CNTN5: variants seen among roughly 807,000 people sequenced by gnomAD.
The protein encoded by CNTN5 is contactin 5.
A neutral mutation model predicts 129.1 loss-of-function variants in CNTN5; 77 were observed. The observed-to-expected ratio is 0.60, with a 90% CI of 0.50 to 0.72. The LOEUF (loss-of-function observed/expected upper bound fraction) is 0.72. Among genes scored for constraint, CNTN5 ranks in the 30% least tolerant of loss-of-function variants. CNTN5 has a pLI of 0.00. For synonymous variants in CNTN5, 509 were observed against 465.6 expected, an observed-to-expected ratio of 1.09 and a Z score of -1.20; for missense variants, 1,478 against 1,328.8, an observed-to-expected ratio of 1.11 and a Z score of -1.75.
At chr11:100,107,464 T>G (rs1945482791) in intron 13 of CNTN5, among the ~76,000 whole-genome samples, 1 of 151,346 alleles carries the variant, frequency 6.6e-6, no homozygotes, top group African/African-American at 2.4e-5. Flanking sequence ...CAGGCTTATT[T>G]CCAGATGCTG....
At chr11:100,242,825 G>A (rs1035882987) in intron 16 of CNTN5, among the ~76,000 whole-genome samples, 1 of 152,154 alleles carries the variant, frequency 6.6e-6, no homozygotes, top group African/African-American at 2.4e-5. Flanking sequence ...TTTCCCCAAA[G>A]AGACTAATTA....
intron 3 of CNTN5, among the ~76,000 whole-genome samples, chr11:99,719,895 G>A (rs1943111517): frequency 6.6e-6 from 1 of 152,028 alleles, no homozygotes. Flanking sequence ...AAACTACTAT[G>A]AACACCTCTA....
At chr11:99,991,681 C>T (rs1939107761) in intron 8 of CNTN5, among the ~76,000 whole-genome samples, 1 of 152,160 alleles carries the variant, frequency 6.6e-6, no homozygotes, top group African/African-American at 2.4e-5. Flanking sequence ...TAATTGGCTG[C>T]CTTTCAATAG....
chr11:99,851,132 T>C (rs962543566), intron 6 of CNTN5, among the ~76,000 whole-genome samples: 17 of 11,824 alleles, frequency 1.4e-3, no homozygotes, highest in Non-Finnish European at 2.0e-3. Flanking sequence ...AGGAACTTCA[T>C]TTTAAATTCT....
chr11:100,210,194 T>C (rs944579388), intron 15 of CNTN5, among the ~76,000 whole-genome samples: 1 of 98,112 alleles, frequency 1.0e-5, no homozygotes, highest in Non-Finnish European at 2.2e-5. Flanking sequence ...AAAAAAAAAA[T>C]ACAAAAAATT....
intron 1 of CNTN5, among the ~76,000 whole-genome samples, chr11:99,264,438 TCTTA>T (rs1862791287): frequency 6.6e-6 from 1 of 152,016 alleles, no homozygotes; most frequent in Non-Finnish European, 1.5e-5. Context: ...TGAGTTAAAG[TCTTA>T]CCATCCTCGG....
chr11:99,726,548 G>A (rs1943346369), intron 3 of CNTN5, among the ~76,000 whole-genome samples: 1 of 152,058 alleles, frequency 6.6e-6, no homozygotes, highest in Non-Finnish European at 1.5e-5. Flanking sequence ...AATAATCGCT[G>A]ACACTTATTT....
intron 9 of CNTN5, among the ~76,000 whole-genome samples, chr11:100,039,308 C>T (rs1942235256): frequency 6.6e-6 from 1 of 152,208 alleles, no homozygotes; most frequent in Non-Finnish European, 1.5e-5. Context: ...CCACTCTCTT[C>T]TGGCTTGTAG....
intron 3 of CNTN5, among the ~76,000 whole-genome samples, chr11:99,731,179 G>A (rs777257461): frequency 2.6e-5 from 4 of 151,892 alleles, no homozygotes; most frequent in Non-Finnish European, 5.9e-5. Context: ...CGCGATCTCG[G>A]CTCACTGCAA....
chr11:99,241,318 G>GTTTTTTTTTTTTTTTTTT (rs10648459), intron 1 of CNTN5, among the ~76,000 whole-genome samples: 8 of 88,040 alleles, frequency 9.1e-5, no homozygotes, highest in Non-Finnish European at 8.5e-5. Flanking sequence ...TTGATTGTTG[G>GTTTTTTTTTTTTTTTTTT]TTTTTTTTTT....
chr11:100,006,544 A>T (rs954294846), intron 9 of CNTN5, among the ~76,000 whole-genome samples: 3 of 152,170 alleles, frequency 2.0e-5, no homozygotes, highest in Non-Finnish European at 4.4e-5. Context: ...GCTCATCCAT[A>T]AGAAGCAACT....
intron 7 of CNTN5, among the ~76,000 whole-genome samples, chr11:99,941,914 A>T (rs1203490728): frequency 6.6e-6 from 1 of 152,066 alleles, no homozygotes; most frequent in Admixed American, 6.6e-5. Context: ...AATTTAGTCT[A>T]TTACCAAGGG....
chr11:99,767,563 T>C (rs1267729441), intron 3 of CNTN5, among the ~76,000 whole-genome samples: 1 of 151,700 alleles, frequency 6.6e-6, no homozygotes, highest in Admixed American at 6.6e-5. Context: ...GATATGCAAA[T>C]AAGATTTTTT....
chr11:100,142,602 A>G (rs1297587636), intron 13 of CNTN5, among the ~76,000 whole-genome samples: 1 of 152,200 alleles, frequency 6.6e-6, no homozygotes, highest in Non-Finnish European at 1.5e-5. Flanking sequence ...TGTATCAAGT[A>G]ACCTTTTAAT....
intron 3 of CNTN5, among the ~76,000 whole-genome samples, chr11:99,600,540 C>T (rs889685986): frequency 2.0e-5 from 3 of 152,170 alleles, no homozygotes; most frequent in African/African-American, 7.2e-5. Context: ...ACCCTCAATT[C>T]ATCCCAGCTT....
intron 13 of CNTN5, among the ~76,000 whole-genome samples, chr11:100,190,627 T>C: frequency 6.6e-6 from 1 of 152,094 alleles, no homozygotes. Flanking sequence ...TTCATACTCT[T>C]GCTACTCTGG....
intron 1 of CNTN5, among the ~76,000 whole-genome samples, chr11:99,133,408 G>T (rs898026504): frequency 3.3e-5 from 5 of 151,898 alleles, no homozygotes; most frequent in African/African-American, 1.2e-4. Context: ...TGGCAAATGG[G>T]ATCTAATTAA....
chr11:99,875,066 C>A (rs1948598139), intron 6 of CNTN5, among the ~76,000 whole-genome samples: 1 of 152,130 alleles, frequency 6.6e-6, no homozygotes. Flanking sequence ...TAGTAAGAAT[C>A]AAATATATCA....
chr11:99,116,070 A>T (rs1858031169), intron 1 of CNTN5, among the ~76,000 whole-genome samples: 2 of 152,198 alleles, frequency 1.3e-5, no homozygotes, highest in Admixed American at 1.3e-4. Flanking sequence ...TCCCTCCAGC[A>T]GCATTTGATA....
Sources: gnomAD v4.1 joint callset for allele counts (sites outside exome capture counted in the v4.1 genomes callset) on GRCh38, gnomAD v4.1.1 for gene constraint, MANE v1.5 for transcripts, NCBI Gene and HGNC (gene_info 2026-07-23, HGNC 2026-07-21) for gene names.